NYAP2: variants seen among roughly 807,000 people sequenced by gnomAD.
NYAP2 encodes the protein neuronal tyrosine-phosphorylated phosphoinositide-3-kinase adaptor 2.
In NYAP2, 23 loss-of-function variants were observed where a neutral mutation model predicts 50.4. The observed-to-expected ratio is 0.46, with a 90% CI of 0.33 to 0.65. NYAP2 has a LOEUF of 0.65. Among genes scored for constraint, NYAP2 ranks in the 30% least tolerant of loss-of-function variants. The probability of loss-of-function intolerance (pLI) is 0.02; values close to 1 mark genes in which losing one functional copy is unlikely to be tolerated. For missense variants in NYAP2, 885 were observed against 861.0 expected (o/e 1.03, Z -0.35); for synonymous variants, 394 against 365.2 (o/e 1.08, Z -0.90).
chr2:225,414,730 C>T (rs145270581), intron 3 of NYAP2, among the ~76,000 whole-genome samples: 217 of 151,948 alleles, frequency 1.4e-3, no homozygotes, highest in African/African-American at 4.7e-3. Flanking sequence ...CATCAAGTGA[C>T]GATATTCACT....
At chr2:225,475,206 A>G (rs1011907441) in intron 3 of NYAP2, among the ~76,000 whole-genome samples, 6 of 152,234 alleles carry the variant, frequency 3.9e-5, no homozygotes, top group East Asian at 1.9e-4. Flanking sequence ...AAGAATGTCA[A>G]CTTATCCAAA....
At chr2:225,567,223 G>A (rs996615806) in intron 4 of NYAP2, among the ~76,000 whole-genome samples, 1 of 151,952 alleles carries the variant, frequency 6.6e-6, no homozygotes, top group African/African-American at 2.4e-5. Context: ...GTAAAAATAT[G>A]GTATTATAAT....
intron 3 of NYAP2, among the ~76,000 whole-genome samples, chr2:225,484,328 A>T (rs1305529656): frequency 6.6e-6 from 1 of 152,228 alleles, no homozygotes; most frequent in African/African-American, 2.4e-5. Flanking sequence ...TGACTTAGCT[A>T]GGAGGGCAGC....
chr2:225,489,994 A>G lies in NYAP2; in HGVS notation c.222-23377A>G, dbSNP rs1442462787. ...AGAATCCTGGAAAAACAGTTTGAGAAACAATGCAAACTGTGAAAGGTTCTT... is the reference window on the plus strand; with the variant it reads ...AGAATCCTGGAAAAACAGTTTGAGAGACAATGCAAACTGTGAAAGGTTCTT... On this transcript the variant is annotated intron_variant, in intron 3 of 6. Coordinates refer to ENST00000636099, the Ensembl canonical transcript of NYAP2. 2.0e-5 allele frequency among the ~76,000 whole-genome samples: 3 copies of G among 152,208 alleles called. No individual in the cohort carries two copies. The East Asian group carries it at 5.8e-4, about 29-fold the overall frequency.
At chr2:225,489,744 G>T (rs1321322691) in intron 3 of NYAP2, among the ~76,000 whole-genome samples, 1 of 152,166 alleles carries the variant, frequency 6.6e-6, no homozygotes, top group Non-Finnish European at 1.5e-5. Flanking sequence ...AACTCACACA[G>T]TGCAAGGATT....
chr2:225,517,217 G>T (rs1174737807), intron 4 of NYAP2, among the ~76,000 whole-genome samples: 1 of 152,098 alleles, frequency 6.6e-6, no homozygotes, highest in Non-Finnish European at 1.5e-5. Flanking sequence ...GCATAAACTG[G>T]CAATCAGTAT....
intron 4 of NYAP2, among the ~76,000 whole-genome samples, chr2:225,531,764 G>A (rs1437626918): frequency 6.6e-6 from 1 of 152,086 alleles, no homozygotes; most frequent in African/African-American, 2.4e-5. Context: ...CATCACTCAG[G>A]CCCTGCTTTG....
At chr2:225,661,155 C>T in the NYAP2 span, among the ~76,000 whole-genome samples, 4 of 152,114 alleles carry the variant, frequency 2.6e-5, no homozygotes, top group Non-Finnish European at 5.9e-5. Context: ...AGAGTCTTTC[C>T]GGAAAATAGT....
intron 3 of NYAP2, among the ~76,000 whole-genome samples, chr2:225,470,128 TG>T (rs1689989410): frequency 6.6e-6 from 1 of 152,226 alleles, no homozygotes; most frequent in Admixed American, 6.5e-5. Context: ...TGTAAGTAAT[TG>T]CATTGTGCAT....
At chr2:225,464,302 T>A (rs932707808) in intron 3 of NYAP2, among the ~76,000 whole-genome samples, 1 of 152,126 alleles carries the variant, frequency 6.6e-6, no homozygotes, top group Non-Finnish European at 1.5e-5. Context: ...CTCTTCCTTA[T>A]CCCTGGTGCA....
intron 5 of NYAP2, among the ~76,000 whole-genome samples, chr2:225,619,141 T>C (rs1693044606): frequency 6.6e-6 from 1 of 152,242 alleles, no homozygotes; most frequent in Non-Finnish European, 1.5e-5. Flanking sequence ...AAATGCATTA[T>C]CTCATTTAAT....
intron 5 of NYAP2, among the ~76,000 whole-genome samples, chr2:225,592,836 C>A (rs760063834): frequency 6.6e-6 from 1 of 152,138 alleles, no homozygotes; most frequent in Non-Finnish European, 1.5e-5. Context: ...TCTTTAAGTG[C>A]AATTTCTTGT....
At chr2:225,518,637 T>C (rs1690986278) in intron 4 of NYAP2, among the ~76,000 whole-genome samples, 1 of 143,490 alleles carries the variant, frequency 7.0e-6, no homozygotes, top group African/African-American at 2.5e-5. Flanking sequence ...TATATATAAA[T>C]AAATTAGCTC....
chr2:225,597,851 T>C (rs951755707), intron 5 of NYAP2, among the ~76,000 whole-genome samples: 7 of 152,068 alleles, frequency 4.6e-5, no homozygotes, highest in Non-Finnish European at 1.0e-4. Flanking sequence ...GGTGATTGTT[T>C]AACCTTTAGA....
chr2:225,557,328 G>A (rs1286335188), intron 4 of NYAP2, among the ~76,000 whole-genome samples: 2 of 152,026 alleles, frequency 1.3e-5, no homozygotes, highest in East Asian at 3.9e-4. Flanking sequence ...CCTTCTATGT[G>A]TCAAGCATTA....
chr2:225,423,217 G>A (rs1264080951), intron 3 of NYAP2, among the ~76,000 whole-genome samples: 3 of 152,142 alleles, frequency 2.0e-5, no homozygotes, highest in Admixed American at 2.0e-4. Context: ...AGATTAGGAT[G>A]GTATTGGGTT....
intron 3 of NYAP2, among the ~76,000 whole-genome samples, chr2:225,451,987 T>A (rs1290062029): frequency 6.6e-6 from 1 of 151,926 alleles, no homozygotes; most frequent in Non-Finnish European, 1.5e-5. Flanking sequence ...CACACACACA[T>A]AAATTGTCAT....
chr2:225,621,673 C>A (rs1693105720), intron 5 of NYAP2, among the ~76,000 whole-genome samples: 1 of 150,306 alleles, frequency 6.7e-6, no homozygotes, highest in African/African-American at 2.4e-5. Flanking sequence ...TAAAATAGTA[C>A]TTTTATATTG....
At chr2:225,684,404 CTCTTT>C in the NYAP2 span, among the ~76,000 whole-genome samples, 1 of 147,724 alleles carries the variant, frequency 6.8e-6, no homozygotes, top group Non-Finnish European at 1.5e-5. Context: ...CTTTCTCTCT[CTCTTT>C]TTTTTTTTTT....
Sources: gnomAD v4.1 joint callset for allele counts (sites outside exome capture counted in the v4.1 genomes callset) on GRCh38, gnomAD v4.1.1 for gene constraint, MANE v1.5 for transcripts, NCBI Gene and HGNC (gene_info 2026-07-23, HGNC 2026-07-21) for gene names.